TIAM2: variants seen among roughly 807,000 people sequenced by gnomAD.
The protein encoded by TIAM2 is rho guanine nucleotide exchange factor TIAM2.
A neutral mutation model predicts 152.9 loss-of-function variants in TIAM2; 80 were observed. The observed-to-expected ratio is 0.52, with a 90% CI of 0.44 to 0.63. TIAM2 has a LOEUF of 0.63. TIAM2 is among the 30% of genes least tolerant of loss of function. The pLI is 0.00. For missense variants in TIAM2, 1,965 were observed against 2,120.1 expected (o/e 0.93, Z 1.44); for synonymous variants, 804 against 838.0 (o/e 0.96, Z 0.70).
chr6:155,111,451 C>G (rs1778847369), intron 2 of TIAM2, among the ~76,000 whole-genome samples: 2 of 152,240 alleles, frequency 1.3e-5, no homozygotes, highest in South Asian at 4.2e-4. Flanking sequence ...CTAACAATAA[C>G]CATCACTTAC....
Position 155,164,143 on chromosome 6 carries a change from TTTC to T in TIAM2, c.2029-269_2029-267del, listed in dbSNP as rs1304212215. Among the ~76,000 whole-genome samples, 4 of 141,778 alleles carry T rather than the reference TTTC, an allele frequency of 2.8e-5. No homozygotes were observed. The South Asian group carries it at 7.1e-4, about 25-fold the overall frequency. The allele number at this position is 141,778 out of a possible 152,430, so 93.0% of individuals were successfully genotyped here. On this transcript the variant is annotated intron_variant, in intron 7 of 26. Transcript: ENST00000682666. ...CCAGCTAATTTTTGTGTTTTTTTTTTTTCTTTTTTTTAGTAGAGATGGAGTTTC... is the reference window on the plus strand; with the variant it reads ...CCAGCTAATTTTTGTGTTTTTTTTTTTTTTTTTTAGTAGAGATGGAGTTTC...
intron 1 of TIAM2, among the ~76,000 whole-genome samples, chr6:155,051,172 G>C (rs557550429): frequency 9.2e-5 from 14 of 152,284 alleles, no homozygotes; most frequent in Non-Finnish European, 2.9e-5. Flanking sequence ...AGAGTAGGTG[G>C]AAAGCAAACA....
At chr6:155,122,653 C>G (rs12212853) in intron 2 of TIAM2, among the ~76,000 whole-genome samples, 62,414 of 151,684 alleles carry the variant, frequency 0.41, 15,719 homozygotes, top group African/African-American at 0.7. Flanking sequence ...TGTTTGCTAA[C>G]TATACACATT....
chr6:155,250,787 G>C, intron 21 of TIAM2, 126 bp from the exon 22 acceptor site: 8 of 1,154,068 alleles, frequency 6.9e-6, no homozygotes, highest in Non-Finnish European at 1.0e-5. Context: ...ATGTTTACAG[G>C]TATCATAAAA....
rs1211165482 is a variant in TIAM2 at position 155,029,443 on chromosome 6, C to A, written c.-209+33951C>A. Among the ~76,000 whole-genome samples the A allele has an allele frequency of 1.2e-3, 8 of 6,656 alleles. 2 individuals carry two copies. Among genetic ancestry groups the A allele is most frequent in the East Asian group, 0.023 (1 of 44 alleles). 4.4% of individuals were successfully genotyped at this position (6,656 alleles called of 152,430 possible). A position where few individuals can be genotyped will look rare whatever the true frequency, so the allele number is the denominator to read the frequency against. On this transcript the variant is annotated intron_variant, in intron 1 of 26. Transcript: ENST00000682666. ...TATATATACTATAGTATATATTATA[C>A]TATAGTATATATTATATATAATATA...
intron 1 of TIAM2, among the ~76,000 whole-genome samples, chr6:155,049,549 T>C (rs1351679583): frequency 5.3e-5 from 8 of 152,174 alleles, no homozygotes; most frequent in Non-Finnish European, 1.2e-4. Flanking sequence ...CTGACTTTAC[T>C]TGCAGCTAAG....
intron 14 of TIAM2, among the ~76,000 whole-genome samples, chr6:155,210,626 C>T (rs1392397703): frequency 6.6e-6 from 1 of 152,188 alleles, no homozygotes; most frequent in Non-Finnish European, 1.5e-5. Flanking sequence ...CATGAGCCAC[C>T]ACACCTGGCC....
intron 20 of TIAM2, among the ~76,000 whole-genome samples, chr6:155,248,545 A>G (rs1036954300): frequency 2.6e-5 from 4 of 152,166 alleles, no homozygotes; most frequent in Non-Finnish European, 5.9e-5. Context: ...CCACTTGGTT[A>G]AGTTTTGTGG....
At chr6:155,090,976 G>A (rs1287895723) in intron 2 of TIAM2, among the ~76,000 whole-genome samples, 11 of 152,128 alleles carry the variant, frequency 7.2e-5, no homozygotes, top group Non-Finnish European at 5.9e-5. Flanking sequence ...CCCCAGCGGC[G>A]TTTGAAATGG....
At chr6:155,088,606 C>G (rs997782605) in intron 1 of TIAM2, among the ~76,000 whole-genome samples, 1 of 152,128 alleles carries the variant, frequency 6.6e-6, no homozygotes. Flanking sequence ...ACCAGAGGCT[C>G]AGACAATCTA....
At chr6:155,021,761 C>T (rs150133035) in intron 1 of TIAM2, among the ~76,000 whole-genome samples, 33 of 152,244 alleles carry the variant, frequency 2.2e-4, no homozygotes, top group African/African-American at 3.6e-4. Context: ...AGTGACTTGA[C>T]GGCCTAGCTT....
At chr6:155,102,728 G>C (rs1778578844) in intron 2 of TIAM2, among the ~76,000 whole-genome samples, 1 of 150,356 alleles carries the variant, frequency 6.7e-6, no homozygotes, top group Non-Finnish European at 1.5e-5. Flanking sequence ...TTTTTGACTA[G>C]GTATTAGTAA....
intron 2 of TIAM2, among the ~76,000 whole-genome samples, chr6:155,092,460 T>G (rs1778326820): frequency 6.6e-6 from 1 of 152,202 alleles, no homozygotes; most frequent in Admixed American, 6.5e-5. Context: ...TAATAAAATT[T>G]TCCTTGAAGA....
At chr6:155,207,439 G>T (rs914718053) in intron 14 of TIAM2, among the ~76,000 whole-genome samples, 1 of 152,210 alleles carries the variant, frequency 6.6e-6, no homozygotes, top group Non-Finnish European at 1.5e-5. Context: ...CACATTGCTG[G>T]TGGCTGCAGG....
At chr6:155,055,830 G>A (rs1777433688) in intron 1 of TIAM2, among the ~76,000 whole-genome samples, 1 of 150,576 alleles carries the variant, frequency 6.6e-6, no homozygotes, top group Non-Finnish European at 1.5e-5. Flanking sequence ...AGGCATAGTG[G>A]TGCATGCCTG....
At position 155,129,363 on chromosome 6, in the gene TIAM2, G is replaced by T. The variant is rs769965584; in HGVS notation, c.140G>T (p.Gly47Val). Residue 47 changes from glycine to valine, a missense_variant, in exon 4 of 27, where the codon GGT (glycine) becomes GTT (valine). By Grantham distance (109) the Gly-to-Val change is moderately radical. Transcript: ENST00000682666. This position sits in a 1 kb window ranked among gnomAD's most constrained non-coding sequence, Gnocchi z 4.8. Reference protein sequence around the residue: ...AKEEKSLHGWGHGSNGAGYKS... With the variant: ...AKEEKSLHGWVHGSNGAGYKS... ...GAGGAAAAGTCATTGCATGGATGGGGTCACGGAAGCAACGGAGCAGGTTAC... is the reference window on the plus strand; with the variant it reads ...GAGGAAAAGTCATTGCATGGATGGGTTCACGGAAGCAACGGAGCAGGTTAC... The T allele has an allele frequency of 6.2e-7, 1 of 1,614,142 alleles. No individual in the cohort carries two copies. Among genetic ancestry groups the T allele is most frequent in the East Asian group, 2.2e-5 (1 of 44,886 alleles).
At chr6:155,237,115 T>C (rs938666465) in intron 15 of TIAM2, among the ~76,000 whole-genome samples, 1 of 152,164 alleles carries the variant, frequency 6.6e-6, no homozygotes, top group African/African-American at 2.4e-5. Flanking sequence ...CTAGATACAA[T>C]GGGGGTACAG....
intron 4 of TIAM2, among the ~76,000 whole-genome samples, chr6:155,136,429 C>T (rs1439699635): frequency 2.0e-5 from 3 of 151,734 alleles, no homozygotes; most frequent in Middle Eastern, 3.2e-3. Flanking sequence ...TGCTCACCGC[C>T]AGGCCTGGCT....
At chr6:155,244,593 G>GAGT in intron 17 of TIAM2, 65 bp from the exon 18 acceptor site, 3 of 1,564,606 alleles carry the variant, frequency 1.9e-6, no homozygotes, top group Non-Finnish European at 2.6e-6. Context: ...GTGGGCCTAA[G>GAGT]AGTTAGCGTG....
Sources: gnomAD v4.1 joint callset for allele counts (sites outside exome capture counted in the v4.1 genomes callset) on GRCh38, gnomAD v4.1.1 for gene constraint, Gnocchi (gnomAD v3.1) non-coding constraint, MANE v1.5 for transcripts, NCBI Gene and HGNC (gene_info 2026-07-23, HGNC 2026-07-21) for gene names.